The following PKD2 variants were observed in gnomAD, a reference collection of about 807,000 sequenced individuals.
PKD2 encodes polycystin 2, transient receptor potential cation channel.
In PKD2, 48 loss-of-function variants were observed where a neutral mutation model predicts 105.9. The observed-to-expected ratio is 0.45, with a 90% CI of 0.36 to 0.58. The LOEUF is 0.58. Ranked by LOEUF, PKD2 falls within the 20% of genes least tolerant of loss-of-function variation. PKD2 has a pLI of 0.00. For synonymous variants in PKD2, 464 were observed against 481.1 expected, an observed-to-expected ratio of 0.96 and a Z score of 0.46; for missense variants, 1,078 against 1,255.3, an observed-to-expected ratio of 0.86 and a Z score of 2.13.
chr4:88,031,862 A>G (rs956205540), intron 2 of PKD2, among the ~76,000 whole-genome samples: 3 of 152,234 alleles, frequency 2.0e-5, no homozygotes, highest in Admixed American at 6.5e-5. Flanking sequence ...ATCATCATGT[A>G]TAGTATAATT....
intron 1 of PKD2, among the ~76,000 whole-genome samples, chr4:88,016,562 C>T (rs1726568310): frequency 6.6e-6 from 1 of 152,140 alleles, no homozygotes; most frequent in African/African-American, 2.4e-5. Flanking sequence ...TGTAAAAGGT[C>T]CCTGTACCCT....
In PKD2 at chr4:88,036,426, A is replaced by G. The variant is rs1246132775; in HGVS notation, c.843+73A>G. 37 of 1,602,928 alleles carry G rather than the reference A, an allele frequency of 2.3e-5. 1 individual carries two copies. The highest frequency in any genetic ancestry group is 1.7e-5 in the Admixed American group (1 of 59,688). On this transcript the variant is annotated intron_variant, in intron 3 of 14. Transcript: ENST00000237596. ...TCATTTGGCTTCATCATTTCAATGC[A>G]TGAGTATCGACAGGACCTGCTTTGC...
chr4:88,012,192 C>T (rs1169854092), intron 1 of PKD2, among the ~76,000 whole-genome samples: 1 of 152,162 alleles, frequency 6.6e-6, no homozygotes, highest in Non-Finnish European at 1.5e-5. Context: ...TCCTTATATT[C>T]ATAGTTTTGT....
intron 10 of PKD2, among the ~76,000 whole-genome samples, chr4:88,063,167 T>C (rs1720645171): frequency 6.6e-6 from 1 of 152,160 alleles, no homozygotes; most frequent in Admixed American, 6.5e-5. Flanking sequence ...GCATCTGCTA[T>C]CCAATTCACA....
At chr4:88,036,177 C>G (rs550874030) in intron 2 of PKD2, 43 bp from the exon 3 acceptor site, 1 of 1,613,422 alleles carries the variant, frequency 6.2e-7, no homozygotes, top group African/African-American at 1.3e-5. Context: ...TGAATGTGTG[C>G]CGGTTCCCTT....
intron 7 of PKD2, among the ~76,000 whole-genome samples, chr4:88,055,388 G>T (rs1482675070): frequency 1.3e-5 from 2 of 151,980 alleles, no homozygotes; most frequent in South Asian, 4.1e-4. Context: ...TTTTTGGGGG[G>T]AAAGCATCAC....
At chr4:88,034,621 T>C (rs952009469) in intron 2 of PKD2, among the ~76,000 whole-genome samples, 1 of 135,870 alleles carries the variant, frequency 7.4e-6, no homozygotes, top group Non-Finnish European at 1.5e-5. Context: ...TGAGCCGAGA[T>C]CACTCCATTG....
At chr4:88,074,638 A>G (rs1461995616) in intron 13 of PKD2, among the ~76,000 whole-genome samples, 174 bp from the exon 14 acceptor site, 1 of 152,020 alleles carries the variant, frequency 6.6e-6, no homozygotes, top group African/African-American at 2.4e-5. Context: ...TTCAGTTAAC[A>G]CTCCTACCAG....
At chr4:88,037,129 G>A (rs1185291054) in intron 3 of PKD2, among the ~76,000 whole-genome samples, 3 of 152,166 alleles carry the variant, frequency 2.0e-5, no homozygotes, top group Non-Finnish European at 4.4e-5. Flanking sequence ...TACTCAGGAG[G>A]CTGAGGTGGG....
intron 2 of PKD2, among the ~76,000 whole-genome samples, chr4:88,020,180 T>G (rs906009862): frequency 2.0e-5 from 3 of 152,208 alleles, no homozygotes; most frequent in Admixed American, 6.5e-5. Context: ...CATACTATTA[T>G]TATATCAGTT....
chr4:88,012,488 G>A (rs1003720550), intron 1 of PKD2, among the ~76,000 whole-genome samples: 7 of 152,064 alleles, frequency 4.6e-5, no homozygotes, highest in African/African-American at 1.5e-4. Context: ...AACACAGTCC[G>A]TGTATCCAGA....
intron 1 of PKD2, among the ~76,000 whole-genome samples, chr4:88,015,845 T>C (rs1435118832): frequency 1.3e-5 from 2 of 152,250 alleles, no homozygotes; most frequent in Non-Finnish European, 2.9e-5. Flanking sequence ...AGTTCCCCAG[T>C]GTTCCTATTA....
At chr4:88,060,443 T>TATA (rs770467139) in intron 9 of PKD2, among the ~76,000 whole-genome samples, 1 of 149,704 alleles carries the variant, frequency 6.7e-6, no homozygotes, top group Non-Finnish European at 1.5e-5. Flanking sequence ...ACTATATCCA[T>TATA]ATATATATAT....
intron 8 of PKD2, among the ~76,000 whole-genome samples, chr4:88,056,790 A>C (rs1162898834): frequency 6.6e-6 from 1 of 152,226 alleles, no homozygotes; most frequent in African/African-American, 2.4e-5. Context: ...GAAAGGAGTT[A>C]GTTTAAAAAG....
intron 7 of PKD2, among the ~76,000 whole-genome samples, chr4:88,054,875 C>T (rs1028929147): frequency 6.6e-6 from 1 of 151,616 alleles, no homozygotes. Context: ...AGGATGGTCT[C>T]GATCTCCTGA....
At chr4:88,033,428 A>G (rs1158256015) in intron 2 of PKD2, among the ~76,000 whole-genome samples, 1 of 145,864 alleles carries the variant, frequency 6.9e-6, no homozygotes, top group Non-Finnish European at 1.5e-5. Flanking sequence ...CCTTATCTCA[A>G]AAAAAAAAAA....
Position 88,020,683 on chromosome 4 carries a change from C to CT in PKD2, c.709+1130dup, listed in dbSNP as rs746448717. Reference sequence around the variant, plus strand: ...CCAAACTCCTCTGAGAAAAGGTTTCCTTTTTTTTTTTTTTTTTTAAATTAG... The same window carrying CT: ...CCAAACTCCTCTGAGAAAAGGTTTCCTTTTTTTTTTTTTTTTTTTAAATTAG... On this transcript the variant is annotated intron_variant, in intron 2 of 14. Coordinates refer to ENST00000237596, the MANE Select transcript of PKD2 (RefSeq NM_000297.4). Among the ~76,000 whole-genome samples, 615 of 138,098 alleles carry CT rather than the reference C, an allele frequency of 4.5e-3. 1 individual carries two copies. Among genetic ancestry groups the CT allele is most frequent in the East Asian group, 6.5e-3 (31 of 4,754 alleles). The allele number at this position is 138,098 out of a possible 152,430, so 90.6% of individuals were successfully genotyped here.
rs35787437 is a variant in PKD2, at chr4:88,059,745, GTACA to G, written c.2019+1677_2019+1680del. Reference sequence around the variant, plus strand: ...TATAGGTGGATAGATACATACATACGTACATACATACATACATACATACATACAT... The same window carrying G: ...TATAGGTGGATAGATACATACATACGTACATACATACATACATACATACAT... On this transcript the variant is annotated intron_variant, in intron 9 of 14. Coordinates refer to ENST00000237596, the MANE Select transcript of PKD2 (RefSeq NM_000297.4). 8.8e-3 allele frequency among the ~76,000 whole-genome samples: 1,326 copies of G among 150,212 alleles called. 13 individuals carry two copies. The highest frequency in any genetic ancestry group is 0.013 in the Non-Finnish European group (893 of 67,640).
chr4:88,044,216 T>C (rs926612430), intron 5 of PKD2, among the ~76,000 whole-genome samples: 2 of 151,936 alleles, frequency 1.3e-5, no homozygotes, highest in African/African-American at 4.8e-5. Flanking sequence ...TACAAATAAA[T>C]AGTATAGTAT....
Sources: gnomAD v4.1 joint callset for allele counts (sites outside exome capture counted in the v4.1 genomes callset) on GRCh38, gnomAD v4.1.1 for gene constraint, MANE v1.5 for transcripts, NCBI Gene and HGNC (gene_info 2026-07-23, HGNC 2026-07-21) for gene names.